The following SNTG1 variants were observed in gnomAD, a reference collection of about 807,000 sequenced individuals.
The protein encoded by SNTG1 is gamma-1-syntrophin.
SNTG1 carries 39 observed loss-of-function variants against 74.7 expected under a neutral mutation model. The ratio of observed to expected loss-of-function variants is 0.52; its 90% CI spans 0.40 to 0.68. SNTG1 has a LOEUF of 0.68. Ranked by LOEUF, SNTG1 falls within the 30% of genes least tolerant of loss-of-function variation. The pLI, the probability that SNTG1 is intolerant of heterozygous loss-of-function variation, is 0.00. For synonymous variants in SNTG1, 254 were observed against 217.1 expected (o/e 1.17, Z -1.49); for missense variants, 685 against 609.5 (o/e 1.12, Z -1.30).
chr8:50,044,449 T>G (rs1352156421), intron 1 of SNTG1, among the ~76,000 whole-genome samples: 2 of 152,228 alleles, frequency 1.3e-5, no homozygotes, highest in African/African-American at 4.8e-5. Flanking sequence ...AACATAGTTG[T>G]GATATTAATG....
intron 1 of SNTG1, among the ~76,000 whole-genome samples, chr8:50,063,928 T>G (rs1820687337): frequency 6.6e-6 from 1 of 152,160 alleles, no homozygotes; most frequent in African/African-American, 2.4e-5. Context: ...TGTTATAGGA[T>G]GAGGATTCAC....
At chr8:50,597,930 T>G (rs2094742689) in intron 13 of SNTG1, among the ~76,000 whole-genome samples, 1 of 151,958 alleles carries the variant, frequency 6.6e-6, no homozygotes, top group African/African-American at 2.4e-5. Flanking sequence ...TGCTATTGAG[T>G]TTTTTGAGCT....
At chr8:50,100,723 T>C (rs938699527) in intron 1 of SNTG1, among the ~76,000 whole-genome samples, 2 of 152,170 alleles carry the variant, frequency 1.3e-5, no homozygotes, top group African/African-American at 2.4e-5. Flanking sequence ...GTATGCATTT[T>C]CTATGTCATA....
chr8:49,920,405 T>C (rs1156307182), intron 1 of SNTG1, among the ~76,000 whole-genome samples: 1 of 152,082 alleles, frequency 6.6e-6, no homozygotes, highest in African/African-American at 2.4e-5. Flanking sequence ...TAAATGCTTC[T>C]CTATAGATTA....
intron 2 of SNTG1, among the ~76,000 whole-genome samples, chr8:50,227,265 A>G (rs1266360297): frequency 6.6e-6 from 1 of 152,182 alleles, no homozygotes; most frequent in Non-Finnish European, 1.5e-5. Context: ...AGTGTAGAAT[A>G]GCATAAGAAT....
Position 50,792,890 on chromosome 8 carries a change from A to C in SNTG1, c.*61A>C. The stretch of plus-strand genomic sequence containing the variant: ...TATAAGCAGGACACATTTACTCATC[A>C]TTTTAGACCCTAGAGAAACCATAAC... On this transcript the variant is annotated 3_prime_UTR_variant, in exon 19 of 19. Transcript: ENST00000642720. 1 of 1,484,562 alleles carries C rather than the reference A, an allele frequency of 6.7e-7. No homozygotes were observed. The highest frequency in any genetic ancestry group is 9.0e-7 in the Non-Finnish European group (1 of 1,110,694). 92.0% of individuals were successfully genotyped at this position (1,484,562 alleles called of 1,614,324 possible).
At chr8:50,548,742 A>G (rs934068372) in intron 11 of SNTG1, among the ~76,000 whole-genome samples, 1 of 152,206 alleles carries the variant, frequency 6.6e-6, no homozygotes, top group Non-Finnish European at 1.5e-5. Flanking sequence ...GATTCATTCC[A>G]AATACATGGG....
At chr8:50,064,996 G>A (rs1008832793) in intron 1 of SNTG1, among the ~76,000 whole-genome samples, 4 of 152,094 alleles carry the variant, frequency 2.6e-5, no homozygotes, top group East Asian at 1.9e-4. Context: ...GCTTAGGACC[G>A]TGATTGGCAT....
rs957778231 is a variant in SNTG1, at chr8:50,536,613, T to A, written c.550-65T>A. 26 of 1,569,072 alleles carry A rather than the reference T, an allele frequency of 1.7e-5. No homozygotes were observed. In the African/African-American group the frequency reaches 2.7e-4, roughly 16 times the overall value. On this transcript the variant is annotated intron_variant, in intron 10 of 18. Transcript: ENST00000642720. The stretch of plus-strand genomic sequence containing the variant: ...AATAATATCCCCCAGATAAAAGGGG[T>A]TTGAGATACAGAAACTCAAAGCACA...
At chr8:50,765,460 G>A (rs943940128) in intron 18 of SNTG1, among the ~76,000 whole-genome samples, 1 of 151,868 alleles carries the variant, frequency 6.6e-6, no homozygotes, top group African/African-American at 2.4e-5. Flanking sequence ...TGTTGTGAGG[G>A]TCCTGGGGTC....
At chr8:49,974,332 C>G (rs1409522866) in intron 1 of SNTG1, among the ~76,000 whole-genome samples, 2 of 152,130 alleles carry the variant, frequency 1.3e-5, no homozygotes, top group Non-Finnish European at 2.9e-5. Flanking sequence ...GTAGCGGGTG[C>G]CTTCATATAT....
intron 8 of SNTG1, among the ~76,000 whole-genome samples, chr8:50,484,673 A>C (rs2093774781): frequency 6.6e-6 from 1 of 151,658 alleles, no homozygotes; most frequent in Non-Finnish European, 1.5e-5. Flanking sequence ...CAGCCTGTCC[A>C]ACAGGAAGAA....
At chr8:50,052,489 A>G (rs959802989) in intron 1 of SNTG1, among the ~76,000 whole-genome samples, 1 of 152,148 alleles carries the variant, frequency 6.6e-6, no homozygotes, top group African/African-American at 2.4e-5. Context: ...AAATGTAAGA[A>G]TAAATTCTTG....
chr8:50,009,651 C>T (rs868603101), intron 1 of SNTG1, among the ~76,000 whole-genome samples: 6 of 152,154 alleles, frequency 3.9e-5, no homozygotes, highest in South Asian at 4.2e-4. Flanking sequence ...GGTTCTTTTG[C>T]GGTATTATAA....
chr8:50,355,662 T>C (rs1162689149), intron 2 of SNTG1, among the ~76,000 whole-genome samples: 1 of 152,218 alleles, frequency 6.6e-6, no homozygotes, highest in Non-Finnish European at 1.5e-5. Flanking sequence ...CATCAGTTGC[T>C]GCTGCTGAGA....
At chr8:50,733,421 A>G (rs1346979862) in intron 17 of SNTG1, among the ~76,000 whole-genome samples, 1 of 152,014 alleles carries the variant, frequency 6.6e-6, no homozygotes, top group African/African-American at 2.4e-5. Context: ...TGATAGAATG[A>G]TTTATAGTCC....
chr8:49,990,912 C>T (rs1563439840), intron 1 of SNTG1, among the ~76,000 whole-genome samples: 2 of 152,040 alleles, frequency 1.3e-5, no homozygotes, highest in Non-Finnish European at 2.9e-5. Context: ...GGCCAATAAG[C>T]TTGAGTAGCA....
chr8:50,733,046 CAT>C (rs2095516738), intron 17 of SNTG1, among the ~76,000 whole-genome samples: 1 of 151,898 alleles, frequency 6.6e-6, no homozygotes, highest in African/African-American at 2.4e-5. Flanking sequence ...AGACTGTGAG[CAT>C]AGTACCTGAT....
chr8:50,452,398 A>G (rs2093465680), intron 8 of SNTG1, among the ~76,000 whole-genome samples: 1 of 152,242 alleles, frequency 6.6e-6, no homozygotes, highest in South Asian at 2.1e-4. Flanking sequence ...CACATAAGCA[A>G]AGCTGCTTGT....
Sources: allele counts gnomAD v4.1 joint callset (sites outside exome capture counted in the v4.1 genomes callset), GRCh38; gene constraint gnomAD v4.1.1; transcripts MANE v1.5; gene names NCBI Gene and HGNC (gene_info 2026-07-23, HGNC 2026-07-21).